CLUH: variants seen among roughly 807,000 people sequenced by gnomAD.
The protein encoded by CLUH is CLUH binding protein of NUMT mRNA, also known as clustered mitochondria protein homolog.
A neutral mutation model predicts 139.3 loss-of-function variants in CLUH; 77 were observed. The ratio of observed to expected loss-of-function variants is 0.55; its 90% CI spans 0.46 to 0.67. The LOEUF is 0.67. CLUH is among the 30% of genes least tolerant of loss of function. The probability of loss-of-function intolerance (pLI) is 0.00; values close to 1 mark genes in which losing one functional copy is unlikely to be tolerated. For missense variants in CLUH, 1,876 were observed against 1,875.8 expected (o/e 1.00, Z 0.00); for synonymous variants, 999 against 801.6 (o/e 1.25, Z -4.16).
Position 2,691,601 on chromosome 17 carries a change from G to A in CLUH, c.3863+8C>T, listed in dbSNP as rs139530964. 1.8e-3 allele frequency: 2,824 copies of A among 1,611,172 alleles called. 56 individuals are homozygous for A. In the African/African-American group the frequency reaches 0.033, roughly 19 times the overall value. ...CCGGGAGACACTCGAGTGGGGCGGA[G>A]GCCTCACCTGAGAGGAATGAAGAGG... On this transcript the variant is annotated splice_region_variant and intron_variant, in intron 25 of 25. Transcript: ENST00000651024.
Position 2,690,735 on chromosome 17 carries a change from C to G in CLUH, c.3906G>C (p.Arg1302=). The G allele has an allele frequency of 6.5e-7, 1 of 1,549,146 alleles. No individual in the cohort carries two copies. The highest frequency in any genetic ancestry group is 8.6e-7 in the Non-Finnish European group (1 of 1,156,382). The part of the protein sequence containing the change: ...LENLKAEVAR[R]HQLQEASRNR... ...TTCTGCTGGCCTCCTGGAGCTGGTGCCGCCGCGCCACCTCGGCTTTCAGAT... is the reference window on the plus strand; with the variant it reads ...TTCTGCTGGCCTCCTGGAGCTGGTGGCGCCGCGCCACCTCGGCTTTCAGAT... Residue 1302 remains arginine (R), a synonymous_variant, in exon 26 of 26, where the codon CGG becomes CGC. Coordinates refer to ENST00000651024, the MANE Select transcript of CLUH (RefSeq NM_001366661.1).
upstream of CLUH, chr17:2,712,016 A>G (rs62069981): frequency 0.04 from 6,153 of 152,424 alleles, 328 homozygotes; most frequent in East Asian, 0.29. Context: ...TCGGGCGGGC[A>G]CTGTGACCTT....
rs2070352243 is a variant in CLUH at position 2,706,430 on chromosome 17, C to T, written c.101-1866G>A. On this transcript the variant is annotated intron_variant, in intron 1 of 25. Coordinates refer to ENST00000651024, the MANE Select transcript of CLUH (RefSeq NM_001366661.1). This position sits in a 1 kb window ranked among gnomAD's most constrained non-coding sequence, Gnocchi z 4.6. Reference sequence around the variant, plus strand: ...GGGCCCCAGACTCCCTCCTGCAGCCCGCACCCTACGCCGCGGCACTCCCTC... The same window carrying T: ...GGGCCCCAGACTCCCTCCTGCAGCCTGCACCCTACGCCGCGGCACTCCCTC... Among the ~76,000 whole-genome samples the T allele has an allele frequency of 1.3e-5, 2 of 152,108 alleles. No individual in the cohort carries two copies. The highest frequency in any genetic ancestry group is 2.1e-4 in the South Asian group (1 of 4,832).
In CLUH at chr17:2,701,489, C is replaced by T. The variant is rs1597618737; in HGVS notation, c.776G>A (p.Ser259Asn). 1 of 1,613,900 alleles carries T rather than the reference C, an allele frequency of 6.2e-7. No individual in the cohort carries two copies. Among genetic ancestry groups the T allele is most frequent in the Non-Finnish European group, 8.5e-7 (1 of 1,179,876 alleles). ...GTTCCCCGGGGGCGGGTTCCATCCG[C>T]TCATGGTGAGTACTTTCAGGCACTG... ...PLQCLKVLTM[S>N]GWNPPPGNRK... Residue 259 changes from serine to asparagine, a missense_variant, in exon 6 of 26, where the codon AGC becomes AAC. This residue lies in a region of CLUH where 270 missense variants were observed against 354.7 expected (regional missense o/e 0.76). Transcript: ENST00000651024.
intron 3 of CLUH, among the ~76,000 whole-genome samples, chr17:2,702,734 T>A (rs1422511034): frequency 6.6e-6 from 1 of 151,324 alleles, no homozygotes; most frequent in African/African-American, 2.4e-5. Flanking sequence ...GGACTTCTCA[T>A]GGATCTCTAC....
At chr17:2,693,670 G>A (rs965527631) in intron 19 of CLUH, among the ~76,000 whole-genome samples, 1 of 152,156 alleles carries the variant, frequency 6.6e-6, no homozygotes, top group African/African-American at 2.4e-5. Flanking sequence ...CGCCCTGTGG[G>A]GGGGTCCCCT....
At position 2,704,601 on chromosome 17, in the gene CLUH, T is replaced by C; in HGVS notation, c.101-37A>G. 6.6e-7 allele frequency: 1 copy of C among 1,511,384 alleles called. No individual in the cohort carries two copies. The highest frequency in any genetic ancestry group is 8.9e-7 in the Non-Finnish European group (1 of 1,125,444). The allele number at this position is 1,511,384 out of a possible 1,614,324, so 93.6% of individuals were successfully genotyped here. A position where few individuals can be genotyped will look rare whatever the true frequency, so the allele number is the denominator to read the frequency against. On this transcript the variant is annotated intron_variant, in intron 1 of 25. Transcript: ENST00000651024. This position sits in a 1 kb window ranked among gnomAD's most constrained non-coding sequence, Gnocchi z 5.7. ...AAGAACGGGTCAGAATCAGGCAGCC[T>C]CGCTGGTCGGCGGGGCTGTCCGCCT...
At chr17:2,695,122 G>C (rs186156802) in intron 15 of CLUH, 21 bp from the exon 16 acceptor site, 1 of 1,612,334 alleles carries the variant, frequency 6.2e-7, no homozygotes, top group Admixed American at 1.7e-5. Flanking sequence ...GGTTGGATCC[G>C]AGTCATGAGG....
At position 2,692,032 on chromosome 17, in the gene CLUH, T is replaced by C. The variant is rs1434926907; in HGVS notation, c.3626A>G (p.Lys1209Arg). The change falls in exon 23 of 26, where the codon AAG becomes AGG. Residue 1209 changes from lysine to arginine, a missense_variant. By Grantham distance (26) the Lys-to-Arg change is conservative. Transcript: ENST00000651024. ...CGTCTTGTAGATGGTGTAACCCTCC[T>C]TCTCGTGCTGCAGGGCCGACCGGAA... ...AEFRSALQHE[K>R]EGYTIYKTQL... is the part of the protein sequence containing the mutation. 1 of 1,584,862 alleles carries C rather than the reference T, an allele frequency of 6.3e-7. No individual in the cohort carries two copies. The highest frequency in any genetic ancestry group is 8.6e-7 in the Non-Finnish European group (1 of 1,164,886).
chr17:2,698,002 C>T lies in CLUH; in HGVS notation c.1855G>A (p.Gly619Ser), dbSNP rs766504135. The T allele has an allele frequency of 1.6e-5, 25 of 1,599,510 alleles. No individual in the cohort carries two copies. In the South Asian group the frequency reaches 2.1e-4, roughly 14 times the overall value. Residue 619 changes from glycine (G) to serine (S), a missense_variant, in exon 10 of 26, where the codon GGC becomes AGC. Physicochemically the swap from Gly to Ser is moderately conservative, Grantham distance 56. Around this residue, in one of 3 missense-constraint regions of CLUH, gnomAD observed 1,454 missense variants for 1,384.4 expected, o/e 1.05. Coordinates refer to ENST00000651024, the MANE Select transcript of CLUH (RefSeq NM_001366661.1). ...GCGCATTCCTCAGGCAGCTCCTCGC[C>T]AGGCACGGGCAGGAAGTTGAGGTCC... ...PPDLNFLPVP[G>S]EELPEECARA...
rs906646933 is a variant in CLUH at position 2,696,544 on chromosome 17, G to A, written c.2186-6C>T. 1 of 1,562,928 alleles carries A rather than the reference G, an allele frequency of 6.4e-7. No homozygotes were observed. The highest frequency in any genetic ancestry group is 1.4e-5 in the African/African-American group (1 of 73,734). ...CTCCCGGCTCCGAGGGTCTGCTGTG[G>A]AGACATGGCTCCATGAGACACGGGT... is the stretch of plus-strand genomic sequence containing the variant. On this transcript the variant is annotated splice_region_variant and splice_polypyrimidine_tract_variant and intron_variant, in intron 11 of 25. Transcript: ENST00000651024.
At chr17:2,692,264 G>T in intron 22 of CLUH, 97 bp downstream of exon 22, 1 of 1,457,840 alleles carries the variant, frequency 6.9e-7, no homozygotes, top group South Asian at 1.3e-5. Flanking sequence ...AATTTTCTCG[G>T]GTGGAGGAAG....
intron 19 of CLUH, 21 bp from the exon 20 acceptor site, chr17:2,692,881 T>G: frequency 6.4e-7 from 1 of 1,558,956 alleles, no homozygotes. Context: ...ACAGTGGTGG[T>G]TGCCGCGGCG....
chr17:2,704,753 C>A lies in CLUH; in HGVS notation c.101-189G>T, dbSNP rs1445301392. ...TTCCACACCCAGCCGCCCCTCCCAG[C>A]CACTGTTCCCTGGCCCACTGTGGTA... On this transcript the variant is annotated intron_variant, in intron 1 of 25. Coordinates refer to ENST00000651024, the MANE Select transcript of CLUH (RefSeq NM_001366661.1). The surrounding 1 kb of genome is among the most constrained non-coding windows in gnomAD (Gnocchi z 5.7). Among the ~76,000 whole-genome samples the A allele has an allele frequency of 6.6e-6, 1 of 152,142 alleles. No individual in the cohort carries two copies. Among genetic ancestry groups the A allele is most frequent in the African/African-American group, 2.4e-5 (1 of 41,444 alleles).
chr17:2,690,642 G>A lies in CLUH; in HGVS notation c.3999C>T (p.Gly1333=). The A allele has an allele frequency of 6.6e-7, 1 of 1,520,610 alleles. No individual in the cohort carries two copies. Among genetic ancestry groups the A allele is most frequent in the South Asian group, 1.3e-5 (1 of 78,498 alleles). 94.2% of individuals were successfully genotyped at this position (1,520,610 alleles called of 1,614,324 possible). A position where few individuals can be genotyped will look rare whatever the true frequency, so the allele number is the denominator to read the frequency against. ...PAPAGAPGDL[G]SQPPAAKDPS... is the part of the protein sequence containing the mutation. The stretch of plus-strand genomic sequence containing the variant: ...GGTCCTTGGCAGCCGGGGGCTGGGA[G>A]CCCAGGTCTCCTGGGGCCCCCGCTG... Residue 1333 remains glycine, a synonymous_variant, in exon 26 of 26, where the codon GGC becomes GGT. Coordinates refer to ENST00000651024, the MANE Select transcript of CLUH (RefSeq NM_001366661.1).
rs776547933 is a variant in CLUH, at chr17:2,700,390, T to G, written c.1258A>C (p.Ile420Leu). ...GCAGAGGCTGCAGGCACCTTGAATA[T>G]GGCCCTTTCTCGGAGCAGCCGCTCA... is the stretch of plus-strand genomic sequence containing the variant. Reference protein sequence around the residue: ...LPERLLRERAIFKVHSDFTAA... With the variant: ...LPERLLRERALFKVHSDFTAA... The change falls in exon 9 of 26, where the codon ATA becomes CTA. Residue 420 changes from isoleucine (I) to leucine (L), a missense_variant. By Grantham distance (5) the Ile-to-Leu change is conservative. Coordinates refer to ENST00000651024, the MANE Select transcript of CLUH (RefSeq NM_001366661.1). The G allele has an allele frequency of 1.2e-6, 2 of 1,612,796 alleles. No individual in the cohort carries two copies. Among genetic ancestry groups the G allele is most frequent in the Non-Finnish European group, 1.7e-6 (2 of 1,179,644 alleles).
Position 2,694,577 on chromosome 17 carries a change from C to T in CLUH, c.2853-13G>A. The stretch of plus-strand genomic sequence containing the variant: ...GTCCACGGTCTCACTGAGGAGGGAG[C>T]AGGGGGCCTGAGCAGCCCAAGCACC... On this transcript the variant is annotated splice_polypyrimidine_tract_variant and intron_variant, in intron 16 of 25. Transcript: ENST00000651024. 6.4e-7 allele frequency: 1 copy of T among 1,564,900 alleles called. No individual in the cohort carries two copies. Among genetic ancestry groups the T allele is most frequent in the South Asian group, 1.2e-5 (1 of 84,970 alleles).
In CLUH at chr17:2,692,074, T is replaced by C. The variant is rs1597596511; in HGVS notation, c.3584A>G (p.Tyr1195Cys). The C allele has an allele frequency of 2.5e-6, 4 of 1,603,234 alleles. No homozygotes were observed. Among genetic ancestry groups the C allele is most frequent in the East Asian group, 2.3e-5 (1 of 44,374 alleles). The change falls in exon 23 of 26, where the codon TAC becomes TGC. Residue 1195 changes from tyrosine (Y) to cysteine (C), a missense_variant. Tyr to Cys is a radical substitution (Grantham distance 194). Around this residue, in one of 3 missense-constraint regions of CLUH, gnomAD observed 1,454 missense variants for 1,384.4 expected, o/e 1.05. Transcript: ENST00000651024. ...ALSHHLVARV[Y>C]ESKAEFRSAL... ...CGACCGGAACTCAGCTTTGCTCTCG[T>C]AGACTCGGGCGACAAGGTGGTGGCT...
intron 13 of CLUH, 154 bp from the exon 14 acceptor site, chr17:2,695,680 G>T: frequency 3.9e-6 from 4 of 1,028,358 alleles, no homozygotes; most frequent in Non-Finnish European, 4.1e-6. Context: ...CCAGCCTCTG[G>T]CAGGAGCGCA....
Sources: allele counts gnomAD v4.1 joint callset (sites outside exome capture counted in the v4.1 genomes callset), GRCh38; gene constraint gnomAD v4.1.1; regional missense constraint gnomAD v4.1.1; non-coding constraint Gnocchi (gnomAD v3.1); transcripts MANE v1.5; gene names NCBI Gene and HGNC (gene_info 2026-07-23, HGNC 2026-07-21).